ANTXR1: variants seen among roughly 807,000 people sequenced by gnomAD.
The protein encoded by ANTXR1 is ANTXR cell adhesion molecule 1.
ANTXR1 carries 19 observed loss-of-function variants against 78.1 expected under a neutral mutation model. The observed-to-expected ratio is 0.24, with a 90% CI of 0.17 to 0.36. The LOEUF (loss-of-function observed/expected upper bound fraction) is 0.36, where lower values mean the gene tolerates loss of function less well. Ranked by LOEUF, ANTXR1 falls within the 10% of genes least tolerant of loss-of-function variation. The probability of loss-of-function intolerance (pLI) is 1.00; values close to 1 mark genes in which losing one functional copy is unlikely to be tolerated. For synonymous variants in ANTXR1, 273 were observed against 260.5 expected (o/e 1.05, Z -0.46); for missense variants, 518 against 718.6 (o/e 0.72, Z 3.19).
At chr2:69,021,899 T>G (rs1325629276) in intron 1 of ANTXR1, among the ~76,000 whole-genome samples, 1 of 152,242 alleles carries the variant, frequency 6.6e-6, no homozygotes, top group African/African-American at 2.4e-5. Flanking sequence ...TCAGACGTGA[T>G]GTTTCAAATA....
intron 13 of ANTXR1, among the ~76,000 whole-genome samples, chr2:69,164,985 A>G (rs4488696): frequency 0.22 from 33,331 of 152,168 alleles, 5,467 homozygotes; most frequent in East Asian, 0.5. Flanking sequence ...TGACAGAGGT[A>G]TGGGGCTCCA....
At chr2:69,145,351 C>T in intron 12 of ANTXR1, 1 of 1,599,654 alleles carries the variant, frequency 6.3e-7, no homozygotes, top group Non-Finnish European at 8.5e-7. Context: ...GCATCAGGCC[C>T]CACAACAGCT....
At position 69,017,567 on chromosome 2, in the gene ANTXR1, A is replaced by G. The variant is rs115891825; in HGVS notation, c.152+3916A>G. Among the ~76,000 whole-genome samples the G allele has an allele frequency of 5.3e-3, 805 of 152,326 alleles. 9 individuals are homozygous for G. The highest frequency in any genetic ancestry group is 0.018 in the African/African-American group (733 of 41,562). On this transcript the variant is annotated intron_variant, in intron 1 of 17. Transcript: ENST00000303714. Reference sequence around the variant, plus strand: ...AATGGAACGTCATGTTTTCTCAACCAGGAGCAAAGACTTCATAATGATAAC... The same window carrying G: ...AATGGAACGTCATGTTTTCTCAACCGGGAGCAAAGACTTCATAATGATAAC...
At chr2:69,041,449 A>G (rs1669613241) in intron 2 of ANTXR1, among the ~76,000 whole-genome samples, 1 of 152,176 alleles carries the variant, frequency 6.6e-6, no homozygotes, top group East Asian at 1.9e-4. Flanking sequence ...CACCCTTCAC[A>G]GTAACTGCTC....
chr2:69,021,236 G>A (rs1183211165), intron 1 of ANTXR1, among the ~76,000 whole-genome samples: 1 of 152,140 alleles, frequency 6.6e-6, no homozygotes, highest in African/African-American at 2.4e-5. Context: ...GGTTTAGAGA[G>A]GTTACCCAAG....
At chr2:69,202,897 A>G (rs1363415529) in intron 17 of ANTXR1, among the ~76,000 whole-genome samples, 7 of 152,144 alleles carry the variant, frequency 4.6e-5, no homozygotes, top group Non-Finnish European at 1.0e-4. Context: ...ATGGGAGCTT[A>G]TTTTCTTCCC....
chr2:69,189,050 G>A (rs1392144204), intron 16 of ANTXR1, among the ~76,000 whole-genome samples: 1 of 152,136 alleles, frequency 6.6e-6, no homozygotes, highest in Non-Finnish European at 1.5e-5. Context: ...TTACTTCTTG[G>A]TTGCAAACAC....
rs143548710 is a variant in ANTXR1, at chr2:69,123,210, C to T, written c.872+124C>T. 491 of 1,011,746 alleles carry T rather than the reference C, an allele frequency of 4.9e-4. 1 individual carries two copies. The African/African-American group carries it at 4.9e-3, about 10-fold the overall frequency. 62.7% of individuals were successfully genotyped at this position (1,011,746 alleles called of 1,614,324 possible). A position where few individuals can be genotyped will look rare whatever the true frequency, so the allele number is the denominator to read the frequency against. ...TTCTCTAGGTTCCTCCAGCTTATGACGGAGCCAGTGTTTACAGTGACCCAG... is the reference window on the plus strand; with the variant it reads ...TTCTCTAGGTTCCTCCAGCTTATGATGGAGCCAGTGTTTACAGTGACCCAG... On this transcript the variant is annotated intron_variant, in intron 11 of 17. Transcript: ENST00000303714.
intron 3 of ANTXR1, among the ~76,000 whole-genome samples, chr2:69,058,028 C>G (rs1169188304): frequency 1.3e-5 from 2 of 152,100 alleles, no homozygotes; most frequent in African/African-American, 4.8e-5. Flanking sequence ...TTCTAGAAGG[C>G]TGAGAGAGGG....
In ANTXR1 at chr2:69,187,585, C is replaced by CTTTTTTTTTTTTTTTT. The variant is rs58660678; in HGVS notation, c.1353+4931_1353+4946dup. On this transcript the variant is annotated intron_variant, in intron 16 of 17. Transcript: ENST00000303714. ...GGGTCACACTATTTATCATGTATTTCTTTTTTTTTTTTTTTTTTTTTGAGA... is the reference window on the plus strand; with the variant it reads ...GGGTCACACTATTTATCATGTATTTCTTTTTTTTTTTTTTTTTTTTTTTTTTTTTTTTTTTTTGAGA... 3.2e-4 allele frequency among the ~76,000 whole-genome samples: 30 copies of CTTTTTTTTTTTTTTTT among 94,898 alleles called. 1 individual carries two copies. Among genetic ancestry groups the CTTTTTTTTTTTTTTTT allele is most frequent in the African/African-American group, 1.3e-3 (28 of 21,920 alleles). 62.3% of individuals were successfully genotyped at this position (94,898 alleles called of 152,430 possible).
chr2:69,111,220 A>G (rs539740542), intron 10 of ANTXR1, among the ~76,000 whole-genome samples: 1 of 152,308 alleles, frequency 6.6e-6, no homozygotes, highest in East Asian at 1.9e-4. Flanking sequence ...ATCTTCACAC[A>G]AACTGTATTT....
intron 13 of ANTXR1, among the ~76,000 whole-genome samples, chr2:69,162,852 A>T (rs1474201837): frequency 6.6e-6 from 1 of 152,160 alleles, no homozygotes; most frequent in Non-Finnish European, 1.5e-5. Flanking sequence ...TGAAAATAAT[A>T]GGACTAATGG....
intron 1 of ANTXR1, among the ~76,000 whole-genome samples, chr2:69,031,201 G>T (rs1286324882): frequency 1.3e-5 from 2 of 152,142 alleles, no homozygotes; most frequent in Non-Finnish European, 2.9e-5. Context: ...AAAATATTGA[G>T]ACCAGGGTCA....
rs568436183 is a variant in ANTXR1, at chr2:69,188,201, G to C, written c.1354-5134G>C. Among the ~76,000 whole-genome samples the C allele has an allele frequency of 5.5e-4, 83 of 152,266 alleles. No homozygotes were observed. The South Asian group carries it at 0.017, about 31-fold the overall frequency. ...TATAGCTCACTGTAGCATCAACCTA[G>C]GTTCAAGGGATTCTCCTACCTCAGT... is the stretch of plus-strand genomic sequence containing the variant. On this transcript the variant is annotated intron_variant, in intron 16 of 17. Coordinates refer to ENST00000303714, the MANE Select transcript of ANTXR1 (RefSeq NM_032208.3).
intron 3 of ANTXR1, among the ~76,000 whole-genome samples, chr2:69,051,112 C>A (rs1669918891): frequency 6.6e-6 from 1 of 151,954 alleles, no homozygotes; most frequent in South Asian, 2.1e-4. Flanking sequence ...ATGGTGAAAC[C>A]CCATCTCCAG....
intron 12 of ANTXR1, among the ~76,000 whole-genome samples, chr2:69,138,070 G>A (rs147631758): frequency 3.8e-5 from 5 of 131,502 alleles, no homozygotes; most frequent in Admixed American, 3.5e-4. Context: ...GGCGACAACA[G>A]CAAGACTCCA....
chr2:69,013,673 C>T lies in ANTXR1; in HGVS notation c.152+22C>T, dbSNP rs964712512. 1.9e-6 allele frequency: 3 copies of T among 1,551,398 alleles called. No individual in the cohort carries two copies. The highest frequency in any genetic ancestry group is 2.6e-6 in the Non-Finnish European group (3 of 1,146,858). On this transcript the variant is annotated intron_variant, in intron 1 of 17. Transcript: ENST00000303714. The surrounding 1 kb of genome is among the most constrained non-coding windows in gnomAD (Gnocchi z 5.0). ...ACAAGTAAGTGCCGCGAGTTGTCCC[C>T]CCCACCCCAGGCTAAGCGGGCGAAA...
At chr2:69,089,262 A>G (rs1411856757) in intron 8 of ANTXR1, among the ~76,000 whole-genome samples, 1 of 152,262 alleles carries the variant, frequency 6.6e-6, no homozygotes, top group African/African-American at 2.4e-5. Context: ...CCTAAAATAC[A>G]TGGTTGGGAG....
At chr2:69,044,481 C>G (rs1240395704) in intron 2 of ANTXR1, among the ~76,000 whole-genome samples, 1 of 152,146 alleles carries the variant, frequency 6.6e-6, no homozygotes, top group East Asian at 1.9e-4. Context: ...ATCATTCTTA[C>G]TCGTAATCCA....
Sources: gnomAD v4.1 joint callset for allele counts (sites outside exome capture counted in the v4.1 genomes callset) on GRCh38, gnomAD v4.1.1 for gene constraint, Gnocchi (gnomAD v3.1) non-coding constraint, MANE v1.5 for transcripts, NCBI Gene and HGNC (gene_info 2026-07-23, HGNC 2026-07-21) for gene names.